The following DGKB variants were observed in gnomAD, a reference collection of about 807,000 sequenced individuals.
DGKB encodes the protein 90 kDa diacylglycerol kinase.
Under a neutral mutation model 114.3 loss-of-function variants are expected in DGKB, and 67 were observed. The ratio of observed to expected loss-of-function variants is 0.59; its 90% CI spans 0.48 to 0.72. The LOEUF (loss-of-function observed/expected upper bound fraction) is 0.72. DGKB is among the 30% of genes least tolerant of loss of function. DGKB has a pLI of 0.00. For synonymous variants in DGKB, 398 were observed against 323.1 expected, an observed-to-expected ratio of 1.23 and a Z score of -2.49; for missense variants, 907 against 975.2, an observed-to-expected ratio of 0.93 and a Z score of 0.93.
chr7:14,427,593 G>T (rs529480153), intron 21 of DGKB, among the ~76,000 whole-genome samples: 54 of 152,250 alleles, frequency 3.5e-4, no homozygotes, highest in Middle Eastern at 3.4e-3. Context: ...ATTTACAAAA[G>T]AAAGAGTTTT....
intron 5 of DGKB, among the ~76,000 whole-genome samples, chr7:14,729,142 T>TG (rs1250928069): frequency 6.8e-6 from 1 of 146,940 alleles, no homozygotes; most frequent in African/African-American, 2.5e-5. Context: ...TTTTTTTTTT[T>TG]GATGGAGTCT....
intron 5 of DGKB, among the ~76,000 whole-genome samples, chr7:14,720,476 TG>T (rs1564008873): frequency 9.5e-5 from 1 of 10,530 alleles, no homozygotes; most frequent in African/African-American, 2.5e-4. Context: ...GGCTGATTTG[TG>T]TGTGTGTGTG....
intron 21 of DGKB, among the ~76,000 whole-genome samples, chr7:14,443,540 A>G (rs1038181363): frequency 1.3e-5 from 2 of 152,074 alleles, no homozygotes; most frequent in African/African-American, 2.4e-5. Flanking sequence ...GTTGACAATT[A>G]TTTGTTTCAG....
intron 23 of DGKB, among the ~76,000 whole-genome samples, chr7:14,223,532 A>G (rs1584549134): frequency 6.6e-6 from 1 of 151,952 alleles, no homozygotes; most frequent in East Asian, 1.9e-4. Context: ...AATAATATAT[A>G]TAAAAAAGGG....
At chr7:14,967,732 T>C (rs1269282864) in intron 1 of DGKB, among the ~76,000 whole-genome samples, 1 of 151,984 alleles carries the variant, frequency 6.6e-6, no homozygotes, top group Non-Finnish European at 1.5e-5. Flanking sequence ...TATACATATT[T>C]TTCTGCAAAA....
At chr7:14,860,995 C>T (rs10237698) in intron 1 of DGKB, among the ~76,000 whole-genome samples, 16,115 of 151,844 alleles carry the variant, frequency 0.11, 1,609 homozygotes, top group East Asian at 0.29. Flanking sequence ...CAATTAGTTG[C>T]TATTAATAAT....
chr7:14,419,567 A>G (rs912096556), intron 21 of DGKB, among the ~76,000 whole-genome samples: 13 of 151,840 alleles, frequency 8.6e-5, no homozygotes, highest in Non-Finnish European at 1.8e-4. Context: ...GATCGTTACC[A>G]GCTTCCACAT....
At chr7:14,583,980 C>A (rs1204233036) in intron 17 of DGKB, among the ~76,000 whole-genome samples, 3 of 152,150 alleles carry the variant, frequency 2.0e-5, no homozygotes. Context: ...ATGCAACTAT[C>A]CAAGGAATTT....
intron 20 of DGKB, among the ~76,000 whole-genome samples, chr7:14,552,484 T>C (rs918113648): frequency 6.6e-6 from 1 of 152,164 alleles, no homozygotes; most frequent in African/African-American, 2.4e-5. Context: ...TGCAAATCTG[T>C]TTAACTGGAT....
At chr7:14,940,304 AC>A (rs1785502133) in intron 1 of DGKB, among the ~76,000 whole-genome samples, 1 of 150,772 alleles carries the variant, frequency 6.6e-6, no homozygotes, top group African/African-American at 2.4e-5. Context: ...TTCAGGTAAG[AC>A]CTTTTTAAGA....
intron 23 of DGKB, among the ~76,000 whole-genome samples, chr7:14,307,979 A>G (rs1469198957): frequency 6.6e-6 from 1 of 152,110 alleles, no homozygotes; most frequent in Non-Finnish European, 1.5e-5. Flanking sequence ...CTTTTTAAAT[A>G]AAAAGTTTTG....
At position 14,261,559 on chromosome 7, in the gene DGKB, C is replaced by T. The variant is rs559495294; in HGVS notation, c.2122+76956G>A. 1.5e-4 allele frequency among the ~76,000 whole-genome samples: 23 copies of T among 152,090 alleles called. No homozygotes were observed. The South Asian group carries it at 4.4e-3, about 29-fold the overall frequency. Reference sequence around the variant, plus strand: ...TTTCCAGTGATTGACTTGATATCCTCAATTAGGGGAAAAACTAGATATTAT... The same window carrying T: ...TTTCCAGTGATTGACTTGATATCCTTAATTAGGGGAAAAACTAGATATTAT... On this transcript the variant is annotated intron_variant, in intron 23 of 25. Coordinates refer to ENST00000402815, the MANE Select transcript of DGKB (RefSeq NM_001350709.2).
At chr7:14,913,469 T>G (rs1784091050) in intron 1 of DGKB, among the ~76,000 whole-genome samples, 1 of 147,206 alleles carries the variant, frequency 6.8e-6, no homozygotes, top group Non-Finnish European at 1.5e-5. Context: ...GAAAATTGTG[T>G]CCTGCATACT....
rs79731155 is a variant in DGKB at position 14,320,411 on chromosome 7, A to G, written c.2122+18104T>C. Among the ~76,000 whole-genome samples, 426 of 151,888 alleles carry G rather than the reference A, an allele frequency of 2.8e-3. 4 individuals carry two copies. Among genetic ancestry groups the G allele is most frequent in the African/African-American group, 1.0e-2 (411 of 41,206 alleles). On this transcript the variant is annotated intron_variant, in intron 23 of 25. Coordinates refer to ENST00000402815, the MANE Select transcript of DGKB (RefSeq NM_001350709.2). Reference sequence around the variant, plus strand: ...TCCAGAGCTTGTTCTCAGTTGACATATAGTTTTCTGCTGCCAATGCCATAG... The same window carrying G: ...TCCAGAGCTTGTTCTCAGTTGACATGTAGTTTTCTGCTGCCAATGCCATAG...
intron 21 of DGKB, among the ~76,000 whole-genome samples, chr7:14,424,825 A>C (rs1025229814): frequency 1.3e-5 from 2 of 152,058 alleles, no homozygotes; most frequent in Non-Finnish European, 2.9e-5. Flanking sequence ...CAGGAATTCA[A>C]ATGTAGGTTG....
intron 21 of DGKB, among the ~76,000 whole-genome samples, chr7:14,413,493 G>T (rs1825225332): frequency 6.6e-6 from 1 of 152,134 alleles, no homozygotes; most frequent in South Asian, 2.1e-4. Flanking sequence ...AGAGGTCTGG[G>T]TTGTATATAA....
At chr7:14,287,568 T>A (rs2128466242) in intron 23 of DGKB, among the ~76,000 whole-genome samples, 1 of 152,292 alleles carries the variant, frequency 6.6e-6, no homozygotes, top group Non-Finnish European at 1.5e-5. Context: ...ACATGACTGA[T>A]AATGAAACTG....
intron 5 of DGKB, among the ~76,000 whole-genome samples, chr7:14,733,847 AAAG>A (rs1402814577): frequency 1.3e-5 from 2 of 151,930 alleles, no homozygotes; most frequent in Non-Finnish European, 2.9e-5. Context: ...GAAAGGAAGG[AAAG>A]AAGGAAGGAA....
At chr7:14,848,565 T>C (rs1242481104) in intron 1 of DGKB, among the ~76,000 whole-genome samples, 1 of 152,226 alleles carries the variant, frequency 6.6e-6, no homozygotes, top group African/African-American at 2.4e-5. Flanking sequence ...GCTGTTTGCC[T>C]GATGTGGTGA....
Sources: gnomAD v4.1 joint callset for allele counts (sites outside exome capture counted in the v4.1 genomes callset) on GRCh38, gnomAD v4.1.1 for gene constraint, MANE v1.5 for transcripts, NCBI Gene and HGNC (gene_info 2026-07-23, HGNC 2026-07-21) for gene names.